DENND10: variants seen among roughly 807,000 people sequenced by gnomAD.
The protein encoded by DENND10 is DENN domain containing 10, also known as DENN domain-containing protein 10.
Under a neutral mutation model 43.6 loss-of-function variants are expected in DENND10, and 24 were observed. The observed-to-expected ratio is 0.55, with a 90% CI of 0.40 to 0.77. The LOEUF (loss-of-function observed/expected upper bound fraction) is 0.77. Among genes scored for constraint, DENND10 ranks in the 30% least tolerant of loss-of-function variants. The pLI is 0.00. For synonymous variants in DENND10, 125 were observed against 157.6 expected (o/e 0.79, Z 1.55); for missense variants, 303 against 429.9 (o/e 0.70, Z 2.61).
intron 3 of DENND10, among the ~76,000 whole-genome samples, chr10:119,116,973 C>T (rs1181372921): frequency 6.6e-6 from 1 of 152,060 alleles, no homozygotes; most frequent in Non-Finnish European, 1.5e-5. Flanking sequence ...AGCCACTGCG[C>T]CCGGCTGCTT....
chr10:119,107,484 A>T (rs1193062973), intron 1 of DENND10, among the ~76,000 whole-genome samples: 2 of 151,040 alleles, frequency 1.3e-5, no homozygotes, highest in African/African-American at 4.9e-5. Flanking sequence ...GCTGACTGCA[A>T]CCTCTGCCTC....
rs1476419578 is a variant in DENND10 at position 119,137,534 on chromosome 10, C to T, written c.*887C>T. On this transcript the variant is annotated 3_prime_UTR_variant, in exon 9 of 9. Coordinates refer to ENST00000361432, the MANE Select transcript of DENND10 (RefSeq NM_207009.4). Reference sequence around the variant, plus strand: ...CGATGAAAGTAGTTTGGCCACATGTCAAGCCAATTGTTTGTACTATTTATG... The same window carrying T: ...CGATGAAAGTAGTTTGGCCACATGTTAAGCCAATTGTTTGTACTATTTATG... 2.4e-5 allele frequency: 4 copies of T among 166,830 alleles called. No homozygotes were observed. The highest frequency in any genetic ancestry group is 5.9e-5 in the Non-Finnish European group (4 of 68,104). 10.3% of individuals were successfully genotyped at this position (166,830 alleles called of 1,614,324 possible).
intron 3 of DENND10, among the ~76,000 whole-genome samples, chr10:119,115,072 T>C (rs1198112600): frequency 6.6e-6 from 1 of 152,088 alleles, no homozygotes; most frequent in Non-Finnish European, 1.5e-5. Context: ...GCTTGGCCTC[T>C]ATTTTAGAAA....
chr10:119,114,669 C>T (rs1433933066), intron 3 of DENND10: 1 of 152,228 alleles, frequency 6.6e-6, no homozygotes, highest in East Asian at 1.9e-4. Context: ...GGATTTCCCC[C>T]TCTGTTTTAT....
intron 4 of DENND10, among the ~76,000 whole-genome samples, chr10:119,119,928 C>T (rs1038514410): frequency 6.6e-6 from 1 of 152,016 alleles, no homozygotes; most frequent in African/African-American, 2.4e-5. Flanking sequence ...TGCTTTACAA[C>T]ATTTGCCTAA....
chr10:119,117,436 G>GGCACCCATACCAGCCTGGGT, intron 3 of DENND10, 83 bp from the exon 4 acceptor site: 8 of 1,403,722 alleles, frequency 5.7e-6, no homozygotes, highest in Non-Finnish European at 7.7e-6. Flanking sequence ...TTCTTGAGAA[G>GGCACCCATACCAGCCTGGGT]GCACCCATAC....
At chr10:119,112,082 C>T (rs186986737) in intron 3 of DENND10, among the ~76,000 whole-genome samples, 154 bp downstream of exon 3, 110 of 152,320 alleles carry the variant, frequency 7.2e-4, no homozygotes, top group African/African-American at 2.2e-3. Context: ...GACGGCCTTT[C>T]TCTTTTGCTC....
At chr10:119,134,403 T>G (rs1431746458) in intron 8 of DENND10, 1 of 140,662 alleles carries the variant, frequency 7.1e-6, no homozygotes, top group East Asian at 2.1e-4. Context: ...TAGGCGGGAG[T>G]GCAGTGGCGT....
At chr10:119,109,354 A>G (rs1844865478) in intron 2 of DENND10, among the ~76,000 whole-genome samples, 1 of 152,122 alleles carries the variant, frequency 6.6e-6, no homozygotes, top group South Asian at 2.1e-4. Context: ...GGACTTTCCT[A>G]ATCCCAAGCA....
intron 1 of DENND10, chr10:119,105,473 TG>T: frequency 9.3e-7 from 1 of 1,080,620 alleles, no homozygotes; most frequent in Non-Finnish European, 1.2e-6. Context: ...TTTGTGGAGA[TG>T]GGATACCGAC....
intron 2 of DENND10, 103 bp downstream of exon 2, chr10:119,108,267 A>G: frequency 2.5e-6 from 2 of 812,404 alleles, no homozygotes; most frequent in Non-Finnish European, 4.1e-6. Flanking sequence ...GGCAGATCAC[A>G]AGGTCAAGAG....
At chr10:119,112,036 C>G in intron 3 of DENND10, 108 bp downstream of exon 3, 1 of 810,768 alleles carries the variant, frequency 1.2e-6, no homozygotes. Flanking sequence ...TGTGTCTCCC[C>G]AGCATAATCT....
At chr10:119,125,910 T>C (rs1274474030) in intron 6 of DENND10, among the ~76,000 whole-genome samples, 2 of 152,168 alleles carry the variant, frequency 1.3e-5, no homozygotes, top group South Asian at 2.1e-4. Context: ...ATTCTAACTA[T>C]ATTTTTGTAT....
intron 6 of DENND10, among the ~76,000 whole-genome samples, 193 bp downstream of exon 6, chr10:119,123,762 C>T (rs1001217248): frequency 3.3e-5 from 5 of 151,982 alleles, no homozygotes; most frequent in African/African-American, 1.2e-4. Context: ...CCACGCCTGG[C>T]TAATTTTATT....
intron 4 of DENND10, among the ~76,000 whole-genome samples, chr10:119,118,765 G>A (rs998764715): frequency 6.6e-6 from 1 of 151,902 alleles, no homozygotes; most frequent in African/African-American, 2.4e-5. Context: ...TAACTTCCTG[G>A]GCTCAAGCAA....
At chr10:119,115,735 G>A (rs1845232116) in intron 3 of DENND10, among the ~76,000 whole-genome samples, 1 of 147,568 alleles carries the variant, frequency 6.8e-6, no homozygotes, top group South Asian at 2.2e-4. Context: ...TTTTCATTTA[G>A]TCTATGATAA....
chr10:119,120,455 A>G lies in DENND10; in HGVS notation c.593+3A>G. The G allele has an allele frequency of 6.4e-7, 1 of 1,557,970 alleles. No homozygotes were observed. On this transcript the variant is annotated splice_donor_region_variant and intron_variant, in intron 5 of 8. Transcript: ENST00000361432. ...GAAGCGGTCCAGGAGTTCACCAGGT[A>G]TCACCTCTAATTATAAAAAAGTGTT...
chr10:119,127,400 C>A (rs1399799541), intron 6 of DENND10, among the ~76,000 whole-genome samples: 1 of 152,072 alleles, frequency 6.6e-6, no homozygotes, highest in South Asian at 2.1e-4. Flanking sequence ...CACATTTTCT[C>A]ATTCATGGGT....
chr10:119,124,044 T>G (rs1589736006), intron 6 of DENND10, among the ~76,000 whole-genome samples: 1 of 150,354 alleles, frequency 6.7e-6, no homozygotes, highest in East Asian at 2.0e-4. Flanking sequence ...ATACAAAAAA[T>G]TAGCTGGGTA....
Sources: allele counts gnomAD v4.1 joint callset (sites outside exome capture counted in the v4.1 genomes callset), GRCh38; gene constraint gnomAD v4.1.1; transcripts MANE v1.5; gene names NCBI Gene and HGNC (gene_info 2026-07-23, HGNC 2026-07-21).